The following CACNB2 variants were observed in gnomAD, a reference collection of about 807,000 sequenced individuals.
The protein encoded by CACNB2 is calcium voltage-gated channel auxiliary subunit beta 2.
In CACNB2, 42 loss-of-function variants were observed where a neutral mutation model predicts 73.3. The ratio of observed to expected loss-of-function variants is 0.57; its 90% CI spans 0.45 to 0.74. The LOEUF (loss-of-function observed/expected upper bound fraction) is 0.74, where lower values mean the gene tolerates loss of function less well. Ranked by LOEUF, CACNB2 falls within the 30% of genes least tolerant of loss-of-function variation. CACNB2 has a pLI of 0.00. For missense variants in CACNB2, 940 were observed against 853.0 expected (o/e 1.10, Z -1.27); for synonymous variants, 348 against 310.3 (o/e 1.12, Z -1.28).
rs2053583887 is a variant in CACNB2 at position 18,536,272 on chromosome 10, TTGGG to T, written c.1302+77_1302+80del. 7 of 321,172 alleles carry T rather than the reference TTGGG, an allele frequency of 2.2e-5. 1 individual carries two copies. The highest frequency in any genetic ancestry group is 4.8e-5 in the Admixed American group (1 of 20,994). The allele number at this position is 321,172 out of a possible 1,614,324, so 19.9% of individuals were successfully genotyped here. A position where few individuals can be genotyped will look rare whatever the true frequency, so the allele number is the denominator to read the frequency against. On this transcript the variant is annotated intron_variant, in intron 12 of 13. Transcript: ENST00000324631. Reference sequence around the variant, plus strand: ...TTTTTTTTTTTTTTTTTTTTTTTTTTTGGGGGACAAGGTCTTGCTCTGTTGCCCA... The same window carrying T: ...TTTTTTTTTTTTTTTTTTTTTTTTTTGGACAAGGTCTTGCTCTGTTGCCCA...
At chr10:18,143,716 C>T (rs1268833364) in intron 1 of CACNB2, among the ~76,000 whole-genome samples, 1 of 152,164 alleles carries the variant, frequency 6.6e-6, no homozygotes, top group African/African-American at 2.4e-5. Flanking sequence ...GTAAAAACTG[C>T]CTGAGAAAGG....
chr10:18,185,078 A>G (rs1258284505), intron 2 of CACNB2, among the ~76,000 whole-genome samples: 1 of 152,070 alleles, frequency 6.6e-6, no homozygotes, highest in Non-Finnish European at 1.5e-5. Context: ...GGCTCAAGCA[A>G]TCCTCCCACC....
intron 2 of CACNB2, among the ~76,000 whole-genome samples, chr10:18,382,776 A>G (rs1252976937): frequency 1.3e-5 from 2 of 152,026 alleles, no homozygotes; most frequent in East Asian, 3.9e-4. Flanking sequence ...CCTTTTCTTT[A>G]TCCAGTCCAT....
rs2052543317 is a variant in CACNB2 at position 18,527,069 on chromosome 10, T to C, written c.945-519T>C. Among the ~76,000 whole-genome samples, 4 of 152,142 alleles carry C rather than the reference T, an allele frequency of 2.6e-5. No homozygotes were observed. In the South Asian group the frequency reaches 8.3e-4, roughly 32 times the overall value. ...TTATCTGACACTTGTAAGCAACAAG[T>C]AAGTGCAACGTAAGGCAGGTGCAGG... is the stretch of plus-strand genomic sequence containing the variant. On this transcript the variant is annotated intron_variant, in intron 9 of 13. Coordinates refer to ENST00000324631, the MANE Select transcript of CACNB2 (RefSeq NM_201596.3).
chr10:18,482,448 A>G (rs1377754836), intron 3 of CACNB2, among the ~76,000 whole-genome samples: 1 of 152,156 alleles, frequency 6.6e-6, no homozygotes, highest in Non-Finnish European at 1.5e-5. Flanking sequence ...CGGAAGTTAT[A>G]ATATCTCCTG....
chr10:18,459,256 GA>G (rs2047440347), intron 3 of CACNB2, among the ~76,000 whole-genome samples: 1 of 152,164 alleles, frequency 6.6e-6, no homozygotes, highest in African/African-American at 2.4e-5. Context: ...AATGACACTA[GA>G]AACATTAGAC....
At chr10:18,287,213 C>T (rs1433964236) in intron 2 of CACNB2, among the ~76,000 whole-genome samples, 1 of 152,002 alleles carries the variant, frequency 6.6e-6, no homozygotes, top group East Asian at 1.9e-4. Context: ...GCTGTAATCC[C>T]AGCTACTCAG....
chr10:18,430,361 T>C (rs2045826304), intron 3 of CACNB2, among the ~76,000 whole-genome samples: 1 of 152,216 alleles, frequency 6.6e-6, no homozygotes, highest in African/African-American at 2.4e-5. Context: ...TTTTATCCTC[T>C]TTAGTTAAAA....
chr10:18,371,991 T>A (rs1326236561), intron 2 of CACNB2, among the ~76,000 whole-genome samples: 4 of 152,252 alleles, frequency 2.6e-5, no homozygotes, highest in Admixed American at 2.6e-4. Context: ...TTTGCCTGCA[T>A]AAATGTCTTC....
chr10:18,497,863 A>T (rs2049931445), intron 3 of CACNB2, among the ~76,000 whole-genome samples: 1 of 152,234 alleles, frequency 6.6e-6, no homozygotes, highest in Admixed American at 6.5e-5. Context: ...CATGAATGAG[A>T]GTTGCTATAG....
At chr10:18,154,991 A>G (rs1053092217) in intron 2 of CACNB2, among the ~76,000 whole-genome samples, 1 of 152,208 alleles carries the variant, frequency 6.6e-6, no homozygotes, top group African/African-American at 2.4e-5. Context: ...TGGCAGCTCA[A>G]GCAGACCAAT....
chr10:18,446,214 T>C (rs1486963522), intron 3 of CACNB2, among the ~76,000 whole-genome samples: 1 of 151,928 alleles, frequency 6.6e-6, no homozygotes, highest in African/African-American at 2.4e-5. Context: ...CACAGAAGAA[T>C]GGAGGGAAGG....
At chr10:18,257,944 A>G (rs1484268041) in intron 2 of CACNB2, among the ~76,000 whole-genome samples, 2 of 152,134 alleles carry the variant, frequency 1.3e-5, no homozygotes, top group African/African-American at 2.4e-5. Context: ...AGGTTTCGTC[A>G]TGTTGGTCAG....
At chr10:18,203,675 G>C (rs1407688437) in intron 2 of CACNB2, among the ~76,000 whole-genome samples, 1 of 152,064 alleles carries the variant, frequency 6.6e-6, no homozygotes, top group Non-Finnish European at 1.5e-5. Flanking sequence ...AGGCTGTAGA[G>C]GGAACAACAC....
At chr10:18,532,104 T>C (rs904751024) in intron 10 of CACNB2, 2 of 152,216 alleles carry the variant, frequency 1.3e-5, no homozygotes, top group South Asian at 2.1e-4. Flanking sequence ...TTTAAAAGCA[T>C]CATTTTTACT....
At chr10:18,524,870 A>G (rs942473336) in intron 9 of CACNB2, among the ~76,000 whole-genome samples, 2 of 150,262 alleles carry the variant, frequency 1.3e-5, no homozygotes, top group African/African-American at 4.9e-5. Flanking sequence ...ACTAAAAAAA[A>G]AAAAAAAAAA....
chr10:18,371,532 A>C (rs1310557591), intron 2 of CACNB2, among the ~76,000 whole-genome samples: 1 of 152,162 alleles, frequency 6.6e-6, no homozygotes. Flanking sequence ...TACAAAGGAC[A>C]TGAACTTTTT....
intron 2 of CACNB2, among the ~76,000 whole-genome samples, chr10:18,309,928 A>G (rs2039892695): frequency 6.6e-6 from 1 of 152,254 alleles, no homozygotes; most frequent in Admixed American, 6.5e-5. Context: ...TTTAAAATTA[A>G]CATTATTTTG....
chr10:18,143,004 G>A (rs553021802), intron 1 of CACNB2, among the ~76,000 whole-genome samples: 47 of 152,346 alleles, frequency 3.1e-4, no homozygotes, highest in African/African-American at 9.9e-4. Context: ...GAGAGAGTTG[G>A]TAAGCAGTCG....
Sources: allele counts gnomAD v4.1 joint callset (sites outside exome capture counted in the v4.1 genomes callset), GRCh38; gene constraint gnomAD v4.1.1; transcripts MANE v1.5; gene names NCBI Gene and HGNC (gene_info 2026-07-23, HGNC 2026-07-21).